The following RAP1A variants were observed in gnomAD, a reference collection of about 807,000 sequenced individuals.
RAP1A encodes the protein ras-related protein Rap-1A.
A neutral mutation model predicts 26.4 loss-of-function variants in RAP1A; 6 were observed. That is an observed-to-expected ratio of 0.23 (90% CI 0.12 to 0.45). The LOEUF is 0.45. Among genes scored for constraint, RAP1A ranks in the 20% least tolerant of loss-of-function variants. The pLI is 0.99. For synonymous variants in RAP1A, 73 were observed against 79.4 expected (o/e 0.92, Z 0.43); for missense variants, 121 against 217.2 (o/e 0.56, Z 2.78).
chr1:111,666,580 T>C (rs1660801513), intron 1 of RAP1A, among the ~76,000 whole-genome samples: 1 of 152,128 alleles, frequency 6.6e-6, no homozygotes, highest in Non-Finnish European at 1.5e-5. Flanking sequence ...GAGATTATTA[T>C]ATGTGGCAAA....
chr1:111,699,463 C>CTTT (rs11435540), intron 4 of RAP1A, among the ~76,000 whole-genome samples: 1,310 of 124,150 alleles, frequency 0.011, 51 homozygotes, highest in African/African-American at 0.038. Context: ...CTCACTTCCT[C>CTTT]TTTTTTTTTT....
At chr1:111,577,469 C>T (rs572602774) in intron 1 of RAP1A, among the ~76,000 whole-genome samples, 58 of 149,662 alleles carry the variant, frequency 3.9e-4, no homozygotes, top group African/African-American at 5.6e-4. Flanking sequence ...TGGATTTATC[C>T]GCTGACATAT....
In RAP1A at chr1:111,703,374, C is replaced by T. The variant is rs762848637; in HGVS notation, c.222C>T (p.Asn74=). The T allele has an allele frequency of 1.2e-5, 19 of 1,594,442 alleles. No individual in the cohort carries two copies. Among genetic ancestry groups the T allele is most frequent in the African/African-American group, 9.4e-5 (7 of 74,398 alleles). Residue 74 remains asparagine, a synonymous_variant, in exon 5 of 8, where the codon AAC becomes AAT. Transcript: ENST00000369709. ...FTAMRDLYMK[N]GQGFALVYSI... ...CAATGAGGGATTTGTATATGAAGAA[C>T]GGCCAAGGTTTTGCACTAGTATATT...
At chr1:111,698,342 A>G (rs1241869208) in intron 4 of RAP1A, among the ~76,000 whole-genome samples, 1 of 152,092 alleles carries the variant, frequency 6.6e-6, no homozygotes, top group Non-Finnish European at 1.5e-5. Context: ...TGGTGCAATC[A>G]TAGTTCACCG....
At position 111,619,867 on chromosome 1, in the gene RAP1A, G is replaced by C; in HGVS notation, c.-95G>C. 2.5e-6 allele frequency: 1 copy of C among 398,358 alleles called. No individual in the cohort carries two copies. Among genetic ancestry groups the C allele is most frequent in the Non-Finnish European group, 4.4e-6 (1 of 226,052 alleles). 24.7% of individuals were successfully genotyped at this position (398,358 alleles called of 1,614,324 possible). On this transcript the variant is annotated 5_prime_UTR_variant, in exon 1 of 8. Transcript: ENST00000369709. ...GAGCCGGAGCAGGAGCCACGGCCGA[G>C]AGGAGGGAGGAGGAGGAGGAGGAGG...
At position 111,552,523 on chromosome 1, in the gene RAP1A, A is replaced by C. The variant is rs113396613; in HGVS notation, c.-28+10014A>C. 1.4e-3 allele frequency among the ~76,000 whole-genome samples: 211 copies of C among 152,252 alleles called. 2 individuals carry two copies. Among genetic ancestry groups the C allele is most frequent in the Middle Eastern group, 0.014 (4 of 294 alleles). ...TTGGAGTTCATTTTCAGAGTACCTT[A>C]CTCTACCATCTTCACAGAGACCATA... On this transcript the variant is annotated intron_variant, in intron 1 of 7. Transcript: ENST00000356415.
chr1:111,563,216 G>A (rs910445281), intron 1 of RAP1A, among the ~76,000 whole-genome samples: 3 of 152,040 alleles, frequency 2.0e-5, no homozygotes, highest in Non-Finnish European at 2.9e-5. Context: ...TTGAGGCCAC[G>A]ATGAGCCATG....
At chr1:111,612,956 T>C (rs1658947950) in intron 1 of RAP1A, among the ~76,000 whole-genome samples, 1 of 152,186 alleles carries the variant, frequency 6.6e-6, no homozygotes, top group African/African-American at 2.4e-5. Context: ...GTACTCTTTT[T>C]AGTATCAGAT....
At chr1:111,551,899 A>G (rs1453291781) in intron 1 of RAP1A, among the ~76,000 whole-genome samples, 1 of 152,176 alleles carries the variant, frequency 6.6e-6, no homozygotes, top group African/African-American at 2.4e-5. Flanking sequence ...AGAGGGGAGA[A>G]ATCAGGACTT....
intron 1 of RAP1A, among the ~76,000 whole-genome samples, chr1:111,545,723 C>T (rs1180526713): frequency 3.3e-5 from 5 of 152,100 alleles, no homozygotes; most frequent in African/African-American, 7.2e-5. Flanking sequence ...AGATTTACAC[C>T]TGTTTCCTTT....
chr1:111,557,991 G>C (rs1407282050), intron 1 of RAP1A, among the ~76,000 whole-genome samples: 1 of 151,866 alleles, frequency 6.6e-6, no homozygotes, highest in Non-Finnish European at 1.5e-5. Flanking sequence ...ATCTATTAAA[G>C]GGGAAAAAAT....
intron 1 of RAP1A, among the ~76,000 whole-genome samples, chr1:111,667,423 T>C (rs1660827940): frequency 6.6e-6 from 1 of 152,090 alleles, no homozygotes; most frequent in Non-Finnish European, 1.5e-5. Flanking sequence ...GGTGGCTCAC[T>C]CCTGTAATAT....
intron 7 of RAP1A, among the ~76,000 whole-genome samples, chr1:111,711,775 C>T (rs1162863090): frequency 6.6e-6 from 1 of 152,120 alleles, no homozygotes; most frequent in Non-Finnish European, 1.5e-5. Flanking sequence ...TAGTCCATAG[C>T]CTTTAGGCAA....
At chr1:111,660,916 C>T (rs968766315) in intron 1 of RAP1A, among the ~76,000 whole-genome samples, 1 of 152,252 alleles carries the variant, frequency 6.6e-6, no homozygotes, top group African/African-American at 2.4e-5. Flanking sequence ...TGTCCTCTAA[C>T]TGCCCATCAT....
intron 1 of RAP1A, among the ~76,000 whole-genome samples, chr1:111,646,623 C>G (rs1029879777): frequency 6.6e-6 from 1 of 152,044 alleles, no homozygotes; most frequent in Non-Finnish European, 1.5e-5. Flanking sequence ...TCACTGCAAG[C>G]TCCACCTCCC....
rs140373082 is a variant in RAP1A at position 111,636,739 on chromosome 1, A to G, written c.-28+16805A>G. 2.2e-3 allele frequency among the ~76,000 whole-genome samples: 339 copies of G among 152,288 alleles called. 2 individuals carry two copies. Among genetic ancestry groups the G allele is most frequent in the African/African-American group, 6.9e-3 (286 of 41,554 alleles). On this transcript the variant is annotated intron_variant, in intron 1 of 7. Transcript: ENST00000369709. ...GTGATCCACCCGCCTTGGCCTCGCA[A>G]AGTGCTGGGATTACAGGCATGAGCC...
At chr1:111,705,330 GGTGAGA>G (rs1356323910) in intron 6 of RAP1A, among the ~76,000 whole-genome samples, 2 of 152,164 alleles carry the variant, frequency 1.3e-5, no homozygotes, top group African/African-American at 4.8e-5. Context: ...TAACTACATA[GGTGAGA>G]GTGAGAGTGG....
chr1:111,599,781 C>T (rs539379096), intron 1 of RAP1A: 7 of 152,082 alleles, frequency 4.6e-5, no homozygotes, highest in South Asian at 2.1e-4. Flanking sequence ...TTTGTCCCCC[C>T]CAAGTCTCAT....
chr1:111,605,842 G>A (rs1658762889), intron 1 of RAP1A, among the ~76,000 whole-genome samples: 1 of 152,198 alleles, frequency 6.6e-6, no homozygotes, highest in African/African-American at 2.4e-5. Context: ...AGCTACAAAA[G>A]TGTTGGCTGG....
Sources: allele counts gnomAD v4.1 joint callset (sites outside exome capture counted in the v4.1 genomes callset), GRCh38; gene constraint gnomAD v4.1.1; transcripts MANE v1.5; gene names NCBI Gene and HGNC (gene_info 2026-07-23, HGNC 2026-07-21).